Variants in PPM1E observed in about 807,000 individuals in gnomAD.
The protein encoded by PPM1E is protein phosphatase, Mg2+/Mn2+ dependent 1E.
Under a neutral mutation model 65.9 loss-of-function variants are expected in PPM1E, and 20 were observed. That is an observed-to-expected ratio of 0.30 (90% CI 0.21 to 0.44). The LOEUF (loss-of-function observed/expected upper bound fraction) is 0.44. Ranked by LOEUF, PPM1E falls within the 20% of genes least tolerant of loss-of-function variation. The pLI, the probability that PPM1E is intolerant of heterozygous loss-of-function variation, is 1.00. For synonymous variants in PPM1E, 352 were observed against 374.9 expected (o/e 0.94, Z 0.70); for missense variants, 713 against 953.1 (o/e 0.75, Z 3.32).
At chr17:58,955,831 G>A (rs1029189550) in intron 2 of PPM1E, 64 bp downstream of exon 2, 55 of 1,456,210 alleles carry the variant, frequency 3.8e-5, no homozygotes, top group Non-Finnish European at 4.9e-5. Flanking sequence ...GTGGTCCACA[G>A]AAAATATCTG....
chr17:58,980,143 C>G lies in PPM1E; in HGVS notation c.1380C>G (p.Asp460Glu). The G allele has an allele frequency of 6.2e-7, 1 of 1,614,092 alleles. No individual in the cohort carries two copies. The highest frequency in any genetic ancestry group is 1.1e-5 in the South Asian group (1 of 91,074). ...VSDHLKENNG[D>E]SSMVAHKLVA... ...ACCACCTGAAAGAGAATAATGGAGACAGCAGCATGGTTGCCCACAAATTAG... is the reference window on the plus strand; with the variant it reads ...ACCACCTGAAAGAGAATAATGGAGAGAGCAGCATGGTTGCCCACAAATTAG... Residue 460 changes from aspartate to glutamate, a missense_variant, in exon 7 of 7, where the codon GAC becomes GAG. Asp to Glu is a conservative substitution (Grantham distance 45). This residue lies in a region of PPM1E where 88 missense variants were observed against 231.1 expected (regional missense o/e 0.38). Transcript: ENST00000308249. This position sits in a 1 kb window ranked among gnomAD's most constrained non-coding sequence, Gnocchi z 4.7.
intron 1 of PPM1E, among the ~76,000 whole-genome samples, chr17:58,930,525 C>A (rs1457004701): frequency 6.6e-6 from 1 of 152,146 alleles, no homozygotes; most frequent in Non-Finnish European, 1.5e-5. Flanking sequence ...TAATAAAATA[C>A]ATTGCCGTGA....
rs148985599 is a variant in PPM1E at position 58,838,901 on chromosome 17, G to A, written c.464+82440G>A. Among the ~76,000 whole-genome samples, 159 of 152,270 alleles carry A rather than the reference G, an allele frequency of 1.0e-3. 1 individual carries two copies. The highest frequency in any genetic ancestry group is 3.6e-3 in the African/African-American group (151 of 41,550). On this transcript the variant is annotated intron_variant, in intron 1 of 6. Coordinates refer to ENST00000308249, the MANE Select transcript of PPM1E (RefSeq NM_014906.5). ...GAAAAGACATGGAGAAAATATAGAT[G>A]CATATTATTAAGTAATTGAAAAACC... is the stretch of plus-strand genomic sequence containing the variant.
chr17:58,788,096 G>A (rs1317571207), intron 1 of PPM1E, among the ~76,000 whole-genome samples: 1 of 151,880 alleles, frequency 6.6e-6, no homozygotes, highest in East Asian at 1.9e-4. Context: ...TGTCGCCCAA[G>A]CTGGAGTGCA....
At position 58,980,672 on chromosome 17, in the gene PPM1E, G is replaced by A. The variant is rs377209500; in HGVS notation, c.1909G>A (p.Glu637Lys). 7.1e-5 allele frequency: 114 copies of A among 1,614,066 alleles called. No homozygotes were observed. Among genetic ancestry groups the A allele is most frequent in the South Asian group, 4.9e-4 (45 of 91,088 alleles). The change falls in exon 7 of 7, where the codon GAG becomes AAG. Residue 637 changes from glutamate (E) to lysine (K), a missense_variant. By Grantham distance (56) the Glu-to-Lys change is moderately conservative (BLOSUM62 1). Coordinates refer to ENST00000308249, the MANE Select transcript of PPM1E (RefSeq NM_014906.5). This position sits in a 1 kb window ranked among gnomAD's most constrained non-coding sequence, Gnocchi z 4.7. ...PTAFNLGSTG[E>K]QIYRMQSLSP... ...TGCTTTCAATTTGGGTTCAACAGGGGAGCAGATATACAGAATGCAGAGCTT... is the reference window on the plus strand; with the variant it reads ...TGCTTTCAATTTGGGTTCAACAGGGAAGCAGATATACAGAATGCAGAGCTT...
At chr17:58,967,499 T>A (rs1209719159) in intron 3 of PPM1E, among the ~76,000 whole-genome samples, 1 of 150,450 alleles carries the variant, frequency 6.6e-6, no homozygotes, top group African/African-American at 2.5e-5. Flanking sequence ...CATTTATATA[T>A]ATGTGTATAT....
chr17:58,881,896 T>C (rs1210551779), intron 1 of PPM1E, among the ~76,000 whole-genome samples: 1 of 149,242 alleles, frequency 6.7e-6, no homozygotes, highest in Admixed American at 6.8e-5. Context: ...TGGTGGCTCA[T>C]GCTTGTAATC....
intron 1 of PPM1E, among the ~76,000 whole-genome samples, chr17:58,921,176 A>G (rs757550082): frequency 3.9e-5 from 6 of 152,200 alleles, no homozygotes; most frequent in Non-Finnish European, 7.3e-5. Flanking sequence ...CAATGGGAAT[A>G]AAGAAGGTAG....
intron 1 of PPM1E, among the ~76,000 whole-genome samples, chr17:58,930,956 G>C (rs9900413): frequency 0.38 from 57,082 of 151,084 alleles, 10,986 homozygotes; most frequent in Middle Eastern, 0.51. Context: ...GCTTAAGCCT[G>C]TAATCCCAGC....
At chr17:58,929,036 C>G (rs1445874687) in intron 1 of PPM1E, among the ~76,000 whole-genome samples, 2 of 152,048 alleles carry the variant, frequency 1.3e-5, no homozygotes, top group African/African-American at 2.4e-5. Flanking sequence ...CTTTATTCAT[C>G]ATGGCCCCAA....
chr17:58,829,907 G>A (rs964596098), intron 1 of PPM1E, among the ~76,000 whole-genome samples: 13 of 152,234 alleles, frequency 8.5e-5, no homozygotes, highest in East Asian at 5.8e-4. Flanking sequence ...AAGGCCAAGC[G>A]TGGTGGGTCA....
chr17:58,847,346 A>T (rs2050782019), intron 1 of PPM1E, among the ~76,000 whole-genome samples: 1 of 152,190 alleles, frequency 6.6e-6, no homozygotes, highest in Admixed American at 6.5e-5. Flanking sequence ...GTCCTTGCCC[A>T]TGCCTATGGC....
intron 1 of PPM1E, among the ~76,000 whole-genome samples, chr17:58,838,213 G>A (rs1405426448): frequency 6.6e-6 from 1 of 152,084 alleles, no homozygotes; most frequent in Non-Finnish European, 1.5e-5. Flanking sequence ...TTGTGTTCTG[G>A]GAAAGACACA....
At chr17:58,965,974 T>A (rs1207686074) in intron 3 of PPM1E, 81 bp downstream of exon 3, 1 of 1,372,214 alleles carries the variant, frequency 7.3e-7, no homozygotes, top group Admixed American at 1.9e-5. Flanking sequence ...AAGGAAAACT[T>A]CTGTTATATT....
At chr17:58,821,389 C>T (rs912272274) in intron 1 of PPM1E, among the ~76,000 whole-genome samples, 3 of 152,144 alleles carry the variant, frequency 2.0e-5, no homozygotes, top group African/African-American at 4.8e-5. Flanking sequence ...GGATTACAGG[C>T]GTGAGCCACC....
intron 1 of PPM1E, among the ~76,000 whole-genome samples, chr17:58,870,793 G>T (rs975635976): frequency 6.6e-6 from 1 of 152,174 alleles, no homozygotes; most frequent in Non-Finnish European, 1.5e-5. Context: ...TACGTTTCTA[G>T]TGGTGGATCT....
At chr17:58,775,798 C>CA (rs1459107594) in intron 1 of PPM1E, among the ~76,000 whole-genome samples, 2 of 150,168 alleles carry the variant, frequency 1.3e-5, no homozygotes, top group Non-Finnish European at 3.0e-5. Context: ...CCTGTAGTCC[C>CA]AGCTACTCGG....
intron 1 of PPM1E, among the ~76,000 whole-genome samples, chr17:58,862,644 G>T (rs1167973862): frequency 6.6e-6 from 1 of 152,140 alleles, no homozygotes; most frequent in African/African-American, 2.4e-5. Context: ...GCTATGTAAA[G>T]GTTTCCCTGG....
chr17:58,759,181 C>T (rs1316982335), intron 1 of PPM1E, among the ~76,000 whole-genome samples: 1 of 152,028 alleles, frequency 6.6e-6, no homozygotes, highest in African/African-American at 2.4e-5. Flanking sequence ...AAGTGGGAGG[C>T]TTTCCTGAGC....
Sources: allele counts gnomAD v4.1 joint callset (sites outside exome capture counted in the v4.1 genomes callset), GRCh38; gene constraint gnomAD v4.1.1; regional missense constraint gnomAD v4.1.1; non-coding constraint Gnocchi (gnomAD v3.1); transcripts MANE v1.5; gene names NCBI Gene and HGNC (gene_info 2026-07-23, HGNC 2026-07-21).